MEMO1: variants seen among roughly 807,000 people sequenced by gnomAD.
MEMO1 encodes mediator of cell motility 1, also known as protein MEMO1.
In MEMO1, 6 loss-of-function variants were observed where a neutral mutation model predicts 45.2. The observed-to-expected ratio is 0.13, with a 90% CI of 0.07 to 0.26. The LOEUF (loss-of-function observed/expected upper bound fraction) is 0.26, where lower values mean the gene tolerates loss of function less well. MEMO1 is among the 10% of genes least tolerant of loss of function. The pLI is 1.00. For synonymous variants in MEMO1, 78 were observed against 124.3 expected (o/e 0.63, Z 2.48); for missense variants, 184 against 370.5 (o/e 0.50, Z 4.13).
chr2:31,930,753 C>T (rs1664061632), intron 4 of MEMO1, among the ~76,000 whole-genome samples: 1 of 151,762 alleles, frequency 6.6e-6, no homozygotes, highest in Admixed American at 6.6e-5. Flanking sequence ...TCAAGTGATT[C>T]CCCTGCCTCA....
chr2:31,987,633 G>A (rs577919543), intron 2 of MEMO1, among the ~76,000 whole-genome samples: 2 of 152,182 alleles, frequency 1.3e-5, no homozygotes, highest in Admixed American at 6.5e-5. Flanking sequence ...CTCCTGCCCT[G>A]TGCCAGATAG....
At chr2:31,920,250 G>A (rs992781500) in intron 5 of MEMO1, among the ~76,000 whole-genome samples, 7 of 151,182 alleles carry the variant, frequency 4.6e-5, no homozygotes, top group African/African-American at 1.2e-4. Context: ...AAATAAAAAC[G>A]TGACTCTGGA....
chr2:31,868,834 G>A lies in MEMO1; in HGVS notation c.763-342C>T, dbSNP rs1017963826. On this transcript the variant is annotated intron_variant, in intron 9 of 9. Transcript: ENST00000404530. ...AAATCCCTGGCCACTTCTGTCTTAA[G>A]ACGTCGGAGTCTTTATCTGACTTTG... Among the ~76,000 whole-genome samples the A allele has an allele frequency of 7.9e-5, 12 of 152,196 alleles. No homozygotes were observed. The East Asian group carries it at 2.3e-3, about 29-fold the overall frequency.
At chr2:31,993,949 CTTTTTTT>C (rs397800267) in intron 2 of MEMO1, among the ~76,000 whole-genome samples, 32 of 73,554 alleles carry the variant, frequency 4.4e-4, no homozygotes, top group African/African-American at 1.3e-3. Flanking sequence ...TCAATACTTT[CTTTTTTT>C]TTTTTTTTTT....
intron 2 of MEMO1, among the ~76,000 whole-genome samples, chr2:31,950,779 A>G (rs1347587593): frequency 6.6e-6 from 1 of 152,134 alleles, no homozygotes; most frequent in African/African-American, 2.4e-5. Flanking sequence ...AAAAAACAAA[A>G]AAATACTTAT....
In MEMO1 at chr2:31,957,085, T is replaced by C. The variant is rs555247417; in HGVS notation, c.62-13702A>G. On this transcript the variant is annotated intron_variant, in intron 2 of 9. Coordinates refer to ENST00000404530, the MANE Select transcript of MEMO1 (RefSeq NM_001301833.4). ...TGAACCAGGGAGGTGGAGATTGCGGTGAAATGAAATCGTGCCATTGCACTC... is the reference window on the plus strand; with the variant it reads ...TGAACCAGGGAGGTGGAGATTGCGGCGAAATGAAATCGTGCCATTGCACTC... Among the ~76,000 whole-genome samples, 4 of 146,648 alleles carry C rather than the reference T, an allele frequency of 2.7e-5. No individual in the cohort carries two copies. In the South Asian group the frequency reaches 6.3e-4, roughly 23 times the overall value.
intron 4 of MEMO1, chr2:31,923,446 C>G (rs959409357): frequency 1.5e-5 from 7 of 476,306 alleles, no homozygotes; most frequent in Non-Finnish European, 2.1e-5. Context: ...ATTCGAGAAC[C>G]ATTTCAAAAA....
In MEMO1 at chr2:32,002,182, T is replaced by C. The variant is rs370160555; in HGVS notation, c.61+8005A>G. On this transcript the variant is annotated intron_variant, in intron 2 of 9. Transcript: ENST00000404530. ...AAAAAAAAAAAAATATATATATATA[T>C]ATATACACACACACACACACATGTA... Among the ~76,000 whole-genome samples the C allele has an allele frequency of 2.5e-3, 297 of 120,120 alleles. 6 individuals are homozygous for C. The South Asian group carries it at 0.025, about 10-fold the overall frequency. The allele number at this position is 120,120 out of a possible 152,430, so 78.8% of individuals were successfully genotyped here. A position where few individuals can be genotyped will look rare whatever the true frequency, so the allele number is the denominator to read the frequency against.
Position 31,869,859 on chromosome 2 carries a change from C to G in MEMO1, c.751G>C (p.Val251Leu), listed in dbSNP as rs376900764. The G allele has an allele frequency of 6.3e-6, 10 of 1,578,220 alleles. No homozygotes were observed. Among genetic ancestry groups the G allele is most frequent in the Non-Finnish European group, 8.6e-6 (10 of 1,168,584 alleles). ...CTAAGGATACTCACATTTAATAACACCCCAATGGGATGTCTTCCACATATA... is the reference window on the plus strand; with the variant it reads ...CTAAGGATACTCACATTTAATAACAGCCCAATGGGATGTCTTCCACATATA... ...NTICGRHPIG[V>L]LLNAITELQK... Residue 251 changes from valine to leucine, a missense_variant, in exon 9 of 10, where the codon GTG (valine) becomes CTG (leucine). Transcript: ENST00000404530.
At chr2:31,943,909 G>A (rs1665906400) in intron 2 of MEMO1, among the ~76,000 whole-genome samples, 1 of 152,074 alleles carries the variant, frequency 6.6e-6, no homozygotes, top group Admixed American at 6.6e-5. Context: ...AAGCATCTCA[G>A]CTTCTTTACT....
Position 31,884,706 on chromosome 2 carries a change from T to G in MEMO1, c.581-1244A>C, listed in dbSNP as rs150574531. Reference sequence around the variant, plus strand: ...TCACCTTTCTAAAATATGTCATATTTCCTTAATGTTCACATTTTAACTTTT... The same window carrying G: ...TCACCTTTCTAAAATATGTCATATTGCCTTAATGTTCACATTTTAACTTTT... On this transcript the variant is annotated intron_variant, in intron 7 of 9. Transcript: ENST00000404530. 9.7e-3 allele frequency among the ~76,000 whole-genome samples: 1,480 copies of G among 152,298 alleles called. 27 individuals are homozygous for G. Among genetic ancestry groups the G allele is most frequent in the South Asian group, 0.048 (232 of 4,826 alleles).
At chr2:31,872,694 G>C (rs1673959428) in intron 8 of MEMO1, among the ~76,000 whole-genome samples, 2 of 152,096 alleles carry the variant, frequency 1.3e-5, no homozygotes, top group African/African-American at 2.4e-5. Flanking sequence ...GAGATGATGG[G>C]AGTTAAGAAA....
chr2:31,898,421 G>C (rs1254837736), intron 6 of MEMO1, among the ~76,000 whole-genome samples: 1 of 152,038 alleles, frequency 6.6e-6, no homozygotes, highest in Non-Finnish European at 1.5e-5. Flanking sequence ...TTGTGACTTT[G>C]TTCTCATTGG....
At chr2:31,917,096 A>C (rs535206984) in intron 6 of MEMO1, among the ~76,000 whole-genome samples, 100 of 152,284 alleles carry the variant, frequency 6.6e-4, no homozygotes, top group Admixed American at 1.2e-3. Flanking sequence ...TTATTAGTAC[A>C]TTTAATTAAT....
intron 2 of MEMO1, among the ~76,000 whole-genome samples, chr2:31,973,964 T>G (rs1229886348): frequency 6.6e-6 from 1 of 152,224 alleles, no homozygotes; most frequent in Non-Finnish European, 1.5e-5. Flanking sequence ...TTGTATTATA[T>G]GAATTTCACC....
intron 2 of MEMO1, among the ~76,000 whole-genome samples, chr2:31,971,177 A>C (rs1225733836): frequency 1.3e-5 from 2 of 152,208 alleles, no homozygotes; most frequent in Admixed American, 1.3e-4. Flanking sequence ...TTGCTGTTAA[A>C]TTATAAAGAT....
In MEMO1 at chr2:31,949,155, G is replaced by A. The variant is rs1000271134; in HGVS notation, c.62-5772C>T. Among the ~76,000 whole-genome samples, 75 of 152,156 alleles carry A rather than the reference G, an allele frequency of 4.9e-4. 2 individuals carry two copies. Among genetic ancestry groups the A allele is most frequent in the Non-Finnish European group, 1.8e-4 (12 of 68,024 alleles). On this transcript the variant is annotated intron_variant, in intron 2 of 9. Coordinates refer to ENST00000404530, the MANE Select transcript of MEMO1 (RefSeq NM_001301833.4). ...GGAAAAAAGGGAGCCCTTATACACT[G>A]TTGGTGGGAATCTAAATTAGTACAA...
chr2:32,010,362 G>A (rs905653788), intron 1 of MEMO1, 98 bp from the exon 2 acceptor site: 3 of 495,522 alleles, frequency 6.1e-6, no homozygotes, highest in Non-Finnish European at 1.0e-5. Flanking sequence ...AGGAGGAGGC[G>A]GCAGCGGGGA....
Position 31,968,878 on chromosome 2 carries a change from T to C in MEMO1, c.62-25495A>G, listed in dbSNP as rs181545251. Among the ~76,000 whole-genome samples the C allele has an allele frequency of 2.0e-5, 3 of 152,200 alleles. No homozygotes were observed. In the East Asian group the frequency reaches 5.8e-4, roughly 29 times the overall value. ...TTTTTAACTCTTTCTTCTCATAAAC[T>C]AGAAAATACTTTAAAAGTCCTGATG... On this transcript the variant is annotated intron_variant, in intron 2 of 9. Coordinates refer to ENST00000404530, the MANE Select transcript of MEMO1 (RefSeq NM_001301833.4).
Sources: gnomAD v4.1 joint callset for allele counts (sites outside exome capture counted in the v4.1 genomes callset) on GRCh38, gnomAD v4.1.1 for gene constraint, MANE v1.5 for transcripts, NCBI Gene and HGNC (gene_info 2026-07-23, HGNC 2026-07-21) for gene names.